GOLM1: variants seen among roughly 807,000 people sequenced by gnomAD.
GOLM1 encodes the protein epididymis luminal protein 46.
Under a neutral mutation model 50.5 loss-of-function variants are expected in GOLM1, and 31 were observed. The observed-to-expected ratio is 0.61, with a 90% CI of 0.46 to 0.83. The LOEUF is 0.83. Ranked by LOEUF, GOLM1 falls within the 40% of genes least tolerant of loss-of-function variation. GOLM1 has a pLI of 0.00. For synonymous variants in GOLM1, 178 were observed against 192.8 expected (o/e 0.92, Z 0.64); for missense variants, 491 against 501.3 (o/e 0.98, Z 0.20).
chr9:86,027,716 T>C lies in GOLM1; in HGVS notation c.*101A>G. 2 of 1,466,530 alleles carry C rather than the reference T, an allele frequency of 1.4e-6. No individual in the cohort carries two copies. Among genetic ancestry groups the C allele is most frequent in the Non-Finnish European group, 1.8e-6 (2 of 1,106,746 alleles). 90.8% of individuals were successfully genotyped at this position (1,466,530 alleles called of 1,614,324 possible). A position where few individuals can be genotyped will look rare whatever the true frequency, so the allele number is the denominator to read the frequency against. The stretch of plus-strand genomic sequence containing the variant: ...CACAATAATCATCTTCAGATGTACA[T>C]TTTATTTAGTACATTTCACAGTTTT... On this transcript the variant is annotated 3_prime_UTR_variant, in exon 10 of 10. Transcript: ENST00000388712.
At chr9:86,090,661 T>G (rs1835148092) in intron 1 of GOLM1, among the ~76,000 whole-genome samples, 2 of 152,116 alleles carry the variant, frequency 1.3e-5, no homozygotes, top group East Asian at 1.9e-4. Context: ...CAGTGTTTCT[T>G]AGCTTGCTGG....
chr9:86,029,099 C>T lies in GOLM1; in HGVS notation c.1130-1206G>A, dbSNP rs189396560. Among the ~76,000 whole-genome samples, 355 of 152,132 alleles carry T rather than the reference C, an allele frequency of 2.3e-3. 1 individual carries two copies. Among genetic ancestry groups the T allele is most frequent in the South Asian group, 0.012 (60 of 4,822 alleles). On this transcript the variant is annotated intron_variant, in intron 9 of 9. Transcript: ENST00000388712. ...ATCTCGATCTCCTGACCTCGTGATC[C>T]GCCCGCCTTGGCCTCCCAAAGTGCT...
At chr9:86,057,105 C>T (rs911059672) in intron 3 of GOLM1, among the ~76,000 whole-genome samples, 2 of 152,174 alleles carry the variant, frequency 1.3e-5, no homozygotes, top group South Asian at 4.1e-4. Flanking sequence ...AAAACACAGA[C>T]AAGGAGGCAA....
At chr9:86,028,022 A>C (rs1470419349) in intron 9 of GOLM1, 129 bp from the exon 10 acceptor site, 4 of 608,016 alleles carry the variant, frequency 6.6e-6, no homozygotes, top group Admixed American at 5.9e-5. Context: ...GCAACACTGT[A>C]ATTGGGAGTT....
chr9:86,078,589 AGTG>A (rs1834690912), intron 2 of GOLM1, among the ~76,000 whole-genome samples: 1 of 152,176 alleles, frequency 6.6e-6, no homozygotes, highest in African/African-American at 2.4e-5. Context: ...AAAGACAGGC[AGTG>A]AGAGTTGGGA....
chr9:86,053,546 A>ATTCCACACCATGCCACAC (rs142552991), intron 3 of GOLM1, among the ~76,000 whole-genome samples: 1 of 650 alleles, frequency 1.5e-3, no homozygotes, highest in African/African-American at 2.7e-3. Flanking sequence ...AAACCACACC[A>ATTCCACACCATGCCACAC]AACACACACT....
chr9:86,053,004 CCACA>C (rs1392895695), intron 3 of GOLM1, among the ~76,000 whole-genome samples: 1 of 151,470 alleles, frequency 6.6e-6, no homozygotes. Context: ...CCAAACCACA[CCACA>C]CACACCACTC....
At chr9:86,075,015 C>T (rs1372530167) in intron 3 of GOLM1, among the ~76,000 whole-genome samples, 4 of 152,146 alleles carry the variant, frequency 2.6e-5, no homozygotes, top group South Asian at 2.1e-4. Flanking sequence ...TGTTAGGAGC[C>T]GAGACCTCTG....
At chr9:86,028,452 T>C (rs996633637) in intron 9 of GOLM1, among the ~76,000 whole-genome samples, 2 of 152,224 alleles carry the variant, frequency 1.3e-5, no homozygotes, top group South Asian at 4.1e-4. Flanking sequence ...ATCCCCCTTC[T>C]GGCTCCCCAG....
chr9:86,074,004 C>G (rs2118835115), intron 3 of GOLM1, among the ~76,000 whole-genome samples: 1 of 152,104 alleles, frequency 6.6e-6, no homozygotes, highest in Middle Eastern at 3.4e-3. Context: ...TGTCCAGCCC[C>G]CAACTTGAGG....
chr9:86,088,894 T>C (rs926485774), intron 1 of GOLM1, among the ~76,000 whole-genome samples: 2 of 152,232 alleles, frequency 1.3e-5, no homozygotes, highest in African/African-American at 4.8e-5. Context: ...TTGCAGTGGC[T>C]GGTACTGGTT....
intron 1 of GOLM1, among the ~76,000 whole-genome samples, chr9:86,098,882 G>C (rs1033127429): frequency 6.6e-6 from 1 of 152,172 alleles, no homozygotes; most frequent in African/African-American, 2.4e-5. Context: ...GGGGTCACCA[G>C]CCACGAGGCC....
chr9:86,059,332 T>C (rs1834085059), intron 3 of GOLM1, among the ~76,000 whole-genome samples: 1 of 152,174 alleles, frequency 6.6e-6, no homozygotes, highest in African/African-American at 2.4e-5. Context: ...GCAAACATGG[T>C]ATATCCACCT....
At chr9:86,097,182 T>G (rs1021723197) in intron 1 of GOLM1, among the ~76,000 whole-genome samples, 1 of 152,104 alleles carries the variant, frequency 6.6e-6, no homozygotes, top group Non-Finnish European at 1.5e-5. Context: ...TCTTTTAATG[T>G]AACTTCATCA....
intron 9 of GOLM1, among the ~76,000 whole-genome samples, chr9:86,031,371 T>G (rs1832975168): frequency 6.6e-6 from 1 of 151,650 alleles, no homozygotes; most frequent in Admixed American, 6.6e-5. Context: ...GGGAAGTAAT[T>G]CATAGTCATG....
intron 8 of GOLM1, 24 bp downstream of exon 8, chr9:86,035,344 C>T (rs41306237): frequency 0.014 from 22,656 of 1,606,498 alleles, 173 homozygotes; most frequent in Non-Finnish European, 0.017. Flanking sequence ...GAGTCCACAG[C>T]GGCCCCCGAA....
At chr9:86,090,781 G>A (rs902051088) in intron 1 of GOLM1, among the ~76,000 whole-genome samples, 1 of 132,120 alleles carries the variant, frequency 7.6e-6, no homozygotes, top group African/African-American at 3.0e-5. Context: ...GTGCCACTGG[G>A]GTACCAAAAA....
intron 2 of GOLM1, among the ~76,000 whole-genome samples, chr9:86,078,499 G>C (rs1407210169): frequency 1.3e-5 from 2 of 152,114 alleles, no homozygotes; most frequent in East Asian, 3.9e-4. Context: ...AGCAAGGGTA[G>C]GGATGAGGAA....
At chr9:86,065,353 G>A (rs938255174) in intron 3 of GOLM1, among the ~76,000 whole-genome samples, 5 of 152,132 alleles carry the variant, frequency 3.3e-5, no homozygotes, top group Admixed American at 6.5e-5. Context: ...AACTGGACCC[G>A]GAAAATCGGT....
Sources: gnomAD v4.1 joint callset for allele counts (sites outside exome capture counted in the v4.1 genomes callset) on GRCh38, gnomAD v4.1.1 for gene constraint, MANE v1.5 for transcripts, NCBI Gene and HGNC (gene_info 2026-07-23, HGNC 2026-07-21) for gene names.